PDE3A: variants seen among roughly 807,000 people sequenced by gnomAD.
The protein encoded by PDE3A is phosphodiesterase 3A.
PDE3A carries 43 observed loss-of-function variants against 98.3 expected under a neutral mutation model. The observed-to-expected ratio is 0.44, with a 90% CI of 0.34 to 0.56. PDE3A has a LOEUF of 0.56. Among genes scored for constraint, PDE3A ranks in the 20% least tolerant of loss-of-function variants. PDE3A has a pLI of 0.01. For missense variants in PDE3A, 1,427 were observed against 1,440.7 expected, an observed-to-expected ratio of 0.99 and a Z score of 0.15; for synonymous variants, 663 against 567.9, an observed-to-expected ratio of 1.17 and a Z score of -2.38.
At chr12:20,471,391 G>A (rs772115172) in intron 1 of PDE3A, among the ~76,000 whole-genome samples, 1 of 152,088 alleles carries the variant, frequency 6.6e-6, no homozygotes, top group Non-Finnish European at 1.5e-5. Flanking sequence ...GTTTTTTAAA[G>A]AGCTCCCCAG....
chr12:20,515,045 G>A (rs1423023772), intron 1 of PDE3A, among the ~76,000 whole-genome samples: 1 of 152,188 alleles, frequency 6.6e-6, no homozygotes, highest in South Asian at 2.1e-4. Context: ...AAGGGCAAGA[G>A]GGGGCCGAAC....
intron 1 of PDE3A, among the ~76,000 whole-genome samples, chr12:20,493,387 A>AACTTACATAG (rs1945861640): frequency 6.6e-6 from 1 of 152,188 alleles, no homozygotes; most frequent in African/African-American, 2.4e-5. Flanking sequence ...ATAAAAATAG[A>AACTTACATAG]ACTTACATAG....
chr12:20,453,440 A>C (rs956656240), intron 1 of PDE3A, among the ~76,000 whole-genome samples: 2 of 152,104 alleles, frequency 1.3e-5, no homozygotes, highest in Non-Finnish European at 2.9e-5. Flanking sequence ...TTGGCTACTC[A>C]ATACCTGGGA....
chr12:20,381,328 T>C (rs1171915919), intron 1 of PDE3A, among the ~76,000 whole-genome samples: 1 of 151,812 alleles, frequency 6.6e-6, no homozygotes, highest in Non-Finnish European at 1.5e-5. Flanking sequence ...TAAAAATGAG[T>C]GCCAAAAACT....
chr12:20,661,881 AGTGCCTAATGGAACT>A (rs59427734), intron 15 of PDE3A, among the ~76,000 whole-genome samples: 82,165 of 151,610 alleles, frequency 0.54, 23,308 homozygotes, highest in East Asian at 0.73. Flanking sequence ...CTACTGGGGC[AGTGCCTAATGGAACT>A]GTGAGAAGAG....
Position 20,373,588 on chromosome 12 carries a change from G to C in PDE3A, c.960+3344G>C, listed in dbSNP as rs1388547050. On this transcript the variant is annotated intron_variant, in intron 1 of 15. Transcript: ENST00000359062. Reference sequence around the variant, plus strand: ...GAGACCACCTTACACATTCACTTTTGAAAGATTTCAAACCAATGCAATTTT... The same window carrying C: ...GAGACCACCTTACACATTCACTTTTCAAAGATTTCAAACCAATGCAATTTT... 6.6e-5 allele frequency among the ~76,000 whole-genome samples: 10 copies of C among 151,984 alleles called. 1 individual carries two copies. The highest frequency in any genetic ancestry group is 5.9e-4 in the Admixed American group (9 of 15,252).
At chr12:20,491,958 G>A (rs11045284) in intron 1 of PDE3A, among the ~76,000 whole-genome samples, 43,695 of 151,992 alleles carry the variant, frequency 0.29, 8,077 homozygotes, top group East Asian at 0.68. Context: ...ACTTCCCAGA[G>A]AAAATTCCTG....
chr12:20,422,956 A>G (rs1944545062), intron 1 of PDE3A, among the ~76,000 whole-genome samples: 1 of 152,214 alleles, frequency 6.6e-6, no homozygotes, highest in East Asian at 1.9e-4. Flanking sequence ...ATGTTACAGT[A>G]ATAGTTTAAT....
chr12:20,618,590 A>C (rs1592117917), intron 4 of PDE3A, among the ~76,000 whole-genome samples: 2 of 152,090 alleles, frequency 1.3e-5, no homozygotes, highest in Non-Finnish European at 2.9e-5. Context: ...CAGAAATGAA[A>C]TGTACTGTGT....
chr12:20,646,996 C>A, intron 12 of PDE3A, 46 bp downstream of exon 12: 1 of 1,376,260 alleles, frequency 7.3e-7, no homozygotes, highest in Non-Finnish European at 1.0e-6. Context: ...AAAGATTTCT[C>A]AAGAAAGTGA....
intron 2 of PDE3A, among the ~76,000 whole-genome samples, chr12:20,592,923 C>G (rs534263990): frequency 6.7e-6 from 1 of 149,206 alleles, no homozygotes; most frequent in South Asian, 2.3e-4. Context: ...GCAATTAGAG[C>G]TCATTCTTTT....
At chr12:20,389,787 T>C (rs1289134386) in intron 1 of PDE3A, among the ~76,000 whole-genome samples, 2 of 152,026 alleles carry the variant, frequency 1.3e-5, no homozygotes, top group Non-Finnish European at 2.9e-5. Flanking sequence ...GCTCAAATAC[T>C]GTCACCCTCT....
chr12:20,370,027 G>A lies in PDE3A; in HGVS notation c.743G>A (p.Gly248Glu). The change falls in exon 1 of 16, where the codon GGG becomes GAG. Residue 248 changes from glycine to glutamate, a missense_variant. Around this residue, in one of 3 missense-constraint regions of PDE3A, gnomAD observed 1,012 missense variants for 886.5 expected, o/e 1.14. Coordinates refer to ENST00000359062, the MANE Select transcript of PDE3A (RefSeq NM_000921.5). ...PYLAYLAGVL[G>E]ILLARYVEQI... is the part of the protein sequence containing the mutation. ...CTGGCGTACCTGGCCGGCGTGCTGG[G>A]GATCCTCTTGGCCAGGTACGTGGAA... 1 of 1,613,048 alleles carries A rather than the reference G, an allele frequency of 6.2e-7. No homozygotes were observed. The highest frequency in any genetic ancestry group is 8.5e-7 in the Non-Finnish European group (1 of 1,179,942).
chr12:20,447,769 A>C (rs1418644096), intron 1 of PDE3A, among the ~76,000 whole-genome samples: 4 of 152,152 alleles, frequency 2.6e-5, no homozygotes, highest in Admixed American at 2.0e-4. Flanking sequence ...TTAATCAAAC[A>C]CAAAGAGGTG....
intron 4 of PDE3A, among the ~76,000 whole-genome samples, chr12:20,617,781 T>C (rs1033175332): frequency 9.9e-5 from 15 of 152,106 alleles, no homozygotes; most frequent in African/African-American, 3.6e-4. Context: ...ATGCCTTTTA[T>C]TCTGTTATTC....
rs376056023 is a variant in PDE3A at position 20,682,476 on chromosome 12, C to A, written c.*2205C>A. 9.9e-5 allele frequency: 15 copies of A among 152,190 alleles called. No homozygotes were observed. The East Asian group carries it at 2.9e-3, about 29-fold the overall frequency. The allele number at this position is 152,190 out of a possible 1,614,324, so 9.4% of individuals were successfully genotyped here. ...CAAAGATAATACGACAAAAAATATA[C>A]ATGGTTTCAAGGCAAATTCTCCAAT... On this transcript the variant is annotated 3_prime_UTR_variant, in exon 16 of 16. Transcript: ENST00000359062.
chr12:20,623,837 AAAG>A (rs543433657), intron 5 of PDE3A, among the ~76,000 whole-genome samples: 5 of 151,494 alleles, frequency 3.3e-5, no homozygotes, highest in African/African-American at 4.9e-5. Flanking sequence ...TGTATTCTAG[AAAG>A]AAGAAGAAGA....
chr12:20,616,174 AT>A (rs1172019627), intron 3 of PDE3A, 55 bp from the exon 4 acceptor site: 1 of 1,490,998 alleles, frequency 6.7e-7, no homozygotes, highest in Non-Finnish European at 9.2e-7. Flanking sequence ...ATTATATTAC[AT>A]AAAATTTAAG....
chr12:20,408,355 G>A (rs1320364927), intron 1 of PDE3A, among the ~76,000 whole-genome samples: 1 of 152,100 alleles, frequency 6.6e-6, no homozygotes, highest in Non-Finnish European at 1.5e-5. Context: ...ATATTGGTAT[G>A]GAATCTGCAT....
Sources: gnomAD v4.1 joint callset for allele counts (sites outside exome capture counted in the v4.1 genomes callset) on GRCh38, gnomAD v4.1.1 for gene constraint, gnomAD v4.1.1 regional missense constraint, MANE v1.5 for transcripts, NCBI Gene and HGNC (gene_info 2026-07-23, HGNC 2026-07-21) for gene names.